Variants in GLIS3 observed in about 807,000 individuals in gnomAD.
GLIS3 encodes the protein zinc finger protein GLIS3.
GLIS3 carries 53 observed loss-of-function variants against 78.6 expected under a neutral mutation model. The ratio of observed to expected loss-of-function variants is 0.67; its 90% CI spans 0.54 to 0.85. The LOEUF is 0.85. Ranked by LOEUF, GLIS3 falls within the 40% of genes least tolerant of loss-of-function variation. GLIS3 has a pLI of 0.00. For synonymous variants in GLIS3, 684 were observed against 509.9 expected (o/e 1.34, Z -4.60); for missense variants, 1,703 against 1,231.1 (o/e 1.38, Z -5.74).
rs114461253 is a variant in GLIS3, at chr9:4,122,989, A to C, written c.596+2745T>G. 5.5e-3 allele frequency among the ~76,000 whole-genome samples: 840 copies of C among 152,304 alleles called. 10 individuals carry two copies. Among genetic ancestry groups the C allele is most frequent in the African/African-American group, 0.02 (813 of 41,560 alleles). Reference sequence around the variant, plus strand: ...ATGGTTGGGAAATTAATCTAGGCAAATATATAGCCTTAAGGCAGGATTCTT... The same window carrying C: ...ATGGTTGGGAAATTAATCTAGGCAACTATATAGCCTTAAGGCAGGATTCTT... On this transcript the variant is annotated intron_variant, in intron 3 of 10. Coordinates refer to ENST00000381971, the MANE Select transcript of GLIS3 (RefSeq NM_001042413.2).
At chr9:4,012,765 C>CTTTTTTTTTTTTTTTTTTTTT (rs71324278) in intron 4 of GLIS3, among the ~76,000 whole-genome samples, 3 of 66,476 alleles carry the variant, frequency 4.5e-5, no homozygotes, top group Admixed American at 2.2e-4. Context: ...TTTTCTTTTT[C>CTTTTTTTTTTTTTTTTTTTTT]TTTTTTTTTT....
chr9:4,349,576 T>G (rs914562653), upstream of GLIS3, among the ~76,000 whole-genome samples: 1 of 152,108 alleles, frequency 6.6e-6, no homozygotes, highest in South Asian at 2.1e-4. Context: ...TAACAAAACT[T>G]TGTTAATTTA....
At chr9:4,367,316 A>C in the GLIS3 span, among the ~76,000 whole-genome samples, 1 of 152,112 alleles carries the variant, frequency 6.6e-6, no homozygotes, top group Non-Finnish European at 1.5e-5. Context: ...GTTTGGGATA[A>C]TTGTGACTTC....
chr9:3,839,849 TTTAA>T (rs1258875245), intron 9 of GLIS3, among the ~76,000 whole-genome samples: 3 of 152,196 alleles, frequency 2.0e-5, no homozygotes, highest in South Asian at 2.1e-4. Context: ...GAGAAAAGTA[TTTAA>T]TTAATTAGTA....
intron 7 of GLIS3, among the ~76,000 whole-genome samples, chr9:3,883,046 G>A (rs1379226667): frequency 1.3e-5 from 2 of 152,124 alleles, no homozygotes; most frequent in African/African-American, 2.4e-5. Flanking sequence ...ACAGACACAA[G>A]CATGCTTTCC....
intron 2 of GLIS3, among the ~76,000 whole-genome samples, chr9:4,329,536 G>C (rs1000562058): frequency 6.6e-6 from 1 of 152,152 alleles, no homozygotes; most frequent in Non-Finnish European, 1.5e-5. Flanking sequence ...CCTCACCAGA[G>C]AAGTCAATAG....
intron 4 of GLIS3, among the ~76,000 whole-genome samples, chr9:4,114,970 G>C (rs984008599): frequency 2.6e-5 from 4 of 152,192 alleles, no homozygotes; most frequent in Non-Finnish European, 5.9e-5. Flanking sequence ...ATAAGTCCAG[G>C]GAGTTATGGT....
chr9:4,352,791 T>C (rs770466392), upstream of GLIS3, among the ~76,000 whole-genome samples: 2 of 152,238 alleles, frequency 1.3e-5, no homozygotes, highest in Non-Finnish European at 2.9e-5. Context: ...GAATTGGTCA[T>C]AAATAAACTT....
intron 2 of GLIS3, among the ~76,000 whole-genome samples, chr9:4,258,700 A>C (rs1050303197): frequency 6.6e-6 from 1 of 152,180 alleles, no homozygotes; most frequent in African/African-American, 2.4e-5. Context: ...TGAGTGGCAG[A>C]ACTGGGGGTG....
chr9:4,329,841 T>C (rs1817658715), intron 2 of GLIS3, among the ~76,000 whole-genome samples: 1 of 152,300 alleles, frequency 6.6e-6, no homozygotes, highest in African/African-American at 2.4e-5. Context: ...GTGCTGGTAA[T>C]GCAATGATGA....
intron 4 of GLIS3, among the ~76,000 whole-genome samples, chr9:3,956,803 GT>G (rs1221329304): frequency 1.3e-5 from 2 of 152,158 alleles, no homozygotes; most frequent in African/African-American, 4.8e-5. Context: ...GACTTTGGAT[GT>G]TTCATCTTTA....
At chr9:4,085,380 T>C (rs1280029327) in intron 4 of GLIS3, among the ~76,000 whole-genome samples, 2 of 152,134 alleles carry the variant, frequency 1.3e-5, no homozygotes, top group Non-Finnish European at 2.9e-5. Flanking sequence ...ATTGCTGGTG[T>C]CTTCCTGTAC....
At chr9:4,433,281 G>A in the GLIS3 span, among the ~76,000 whole-genome samples, 80,801 of 151,714 alleles carry the variant, frequency 0.53, 21,974 homozygotes, top group Middle Eastern at 0.64. Context: ...AAAATACAAA[G>A]ATTAGCTGGG....
the GLIS3 span, among the ~76,000 whole-genome samples, chr9:4,435,862 T>C: frequency 2.0e-5 from 3 of 152,152 alleles, no homozygotes; most frequent in Non-Finnish European, 4.4e-5. Context: ...GGCAGGAGAA[T>C]GGCATAAACT....
chr9:3,856,029 G>C lies in GLIS3; in HGVS notation c.2453C>G (p.Pro818Arg), dbSNP rs1215892963. Residue 818 changes from proline to arginine, a missense_variant, in exon 9 of 11, where the codon CCA (proline) becomes CGA (arginine). By Grantham distance (103) the Pro-to-Arg change is moderately radical (BLOSUM62 -2). Transcript: ENST00000381971. ...CTTACCATGGACATGGATACCATTT[G>C]GTTGAAAAGAAGAGTTTGTTTCTGG... ...YQPETNSSFQ[P>R]NGIHVHGFYG... is the part of the protein sequence containing the mutation. The C allele has an allele frequency of 6.2e-7, 1 of 1,614,108 alleles. No individual in the cohort carries two copies. The highest frequency in any genetic ancestry group is 8.5e-7 in the Non-Finnish European group (1 of 1,179,990).
chr9:3,829,238 C>G lies in GLIS3; in HGVS notation c.2656+72G>C, dbSNP rs917962553. 3 of 1,323,418 alleles carry G rather than the reference C, an allele frequency of 2.3e-6. No individual in the cohort carries two copies. The Admixed American group carries it at 5.1e-5, about 22-fold the overall frequency. 82.0% of individuals were successfully genotyped at this position (1,323,418 alleles called of 1,614,324 possible). A position where few individuals can be genotyped will look rare whatever the true frequency, so the allele number is the denominator to read the frequency against. On this transcript the variant is annotated intron_variant, in intron 10 of 10. Coordinates refer to ENST00000381971, the MANE Select transcript of GLIS3 (RefSeq NM_001042413.2). ...GTGCTTGGTCACGTCCAGCCCAGGT[C>G]GGTCACGGGCAGCCCACCTGGTCTC... is the stretch of plus-strand genomic sequence containing the variant.
intron 1 of GLIS3, among the ~76,000 whole-genome samples, chr9:4,295,183 T>G (rs185038839): frequency 6.7e-6 from 1 of 148,518 alleles, no homozygotes; most frequent in Non-Finnish European, 1.5e-5. Flanking sequence ...AGGCACTTAC[T>G]TTTTTTTTTA....
chr9:4,141,388 T>C (rs1436621247), intron 2 of GLIS3, among the ~76,000 whole-genome samples: 1 of 152,180 alleles, frequency 6.6e-6, no homozygotes, highest in African/African-American at 2.4e-5. Context: ...CAAAACCTCC[T>C]GTGTCCAAGC....
intron 4 of GLIS3, among the ~76,000 whole-genome samples, chr9:4,005,593 C>A (rs1162274855): frequency 2.0e-5 from 3 of 152,160 alleles, no homozygotes; most frequent in Non-Finnish European, 4.4e-5. Flanking sequence ...GCACCTACTG[C>A]ATAGGTTTGT....
Sources: gnomAD v4.1 joint callset for allele counts (sites outside exome capture counted in the v4.1 genomes callset) on GRCh38, gnomAD v4.1.1 for gene constraint, MANE v1.5 for transcripts, NCBI Gene and HGNC (gene_info 2026-07-23, HGNC 2026-07-21) for gene names.